The following CAMKMT variants were observed in gnomAD, a reference collection of about 807,000 sequenced individuals.
The protein encoded by CAMKMT is calmodulin-lysine N-methyltransferase.
A neutral mutation model predicts 48.0 loss-of-function variants in CAMKMT; 53 were observed. The observed-to-expected ratio is 1.10, with a 90% confidence interval of 0.89 to 1.39. CAMKMT has a LOEUF of 1.39. Ranked by LOEUF, CAMKMT falls within the 40% of genes most tolerant of loss-of-function variation. The probability of loss-of-function intolerance (pLI) is 0.00; values close to 1 mark genes in which losing one functional copy is unlikely to be tolerated. For synonymous variants in CAMKMT, 165 were observed against 152.3 expected (o/e 1.08, Z -0.61); for missense variants, 428 against 402.7 (o/e 1.06, Z -0.54).
At chr2:44,746,985 A>G (rs934467485) in intron 8 of CAMKMT, among the ~76,000 whole-genome samples, 47 of 152,236 alleles carry the variant, frequency 3.1e-4, no homozygotes, top group African/African-American at 1.1e-3. Context: ...GTAGCTCTGC[A>G]AAAATAGAAA....
At chr2:44,434,243 G>A (rs1400989755) in intron 3 of CAMKMT, among the ~76,000 whole-genome samples, 8 of 150,004 alleles carry the variant, frequency 5.3e-5, no homozygotes, top group African/African-American at 2.0e-4. Context: ...TTTTTTTGGT[G>A]TTGGTTGAGG....
chr2:44,502,908 AT>A (rs1039799550), intron 3 of CAMKMT, among the ~76,000 whole-genome samples: 8 of 152,192 alleles, frequency 5.3e-5, no homozygotes, highest in South Asian at 2.1e-4. Flanking sequence ...TATAGAAAAC[AT>A]TTTTTTAACT....
At chr2:44,551,513 C>T (rs1667715408) in intron 3 of CAMKMT, among the ~76,000 whole-genome samples, 1 of 152,116 alleles carries the variant, frequency 6.6e-6, no homozygotes, top group South Asian at 2.1e-4. Context: ...ATCAAGGTCA[C>T]CTATGATCTG....
At chr2:44,387,737 C>T (rs1572715606) in intron 2 of CAMKMT, among the ~76,000 whole-genome samples, 1 of 152,102 alleles carries the variant, frequency 6.6e-6, no homozygotes, top group Non-Finnish European at 1.5e-5. Context: ...ATGGTGAATT[C>T]TCTCAGTATT....
At chr2:44,394,350 T>C (rs1271387677) in intron 3 of CAMKMT, among the ~76,000 whole-genome samples, 1 of 152,044 alleles carries the variant, frequency 6.6e-6, no homozygotes, top group South Asian at 2.1e-4. Context: ...CTGGAGGAAT[T>C]TGTAGACCCT....
At chr2:44,387,290 T>C (rs552556622) in intron 2 of CAMKMT, among the ~76,000 whole-genome samples, 1 of 152,282 alleles carries the variant, frequency 6.6e-6, no homozygotes, top group African/African-American at 2.4e-5. Flanking sequence ...CTCTTTTAAC[T>C]GCTGTTGCTT....
At chr2:44,724,455 TCATTTGAACAATCCGA>T (rs1200426938) in intron 7 of CAMKMT, among the ~76,000 whole-genome samples, 2 of 152,308 alleles carry the variant, frequency 1.3e-5, no homozygotes, top group East Asian at 3.9e-4. Flanking sequence ...GAGTTGAGGT[TCATTTGAACAATCCGA>T]CATTTGAACA....
At chr2:44,458,418 C>T (rs1232664124) in intron 3 of CAMKMT, among the ~76,000 whole-genome samples, 3 of 152,038 alleles carry the variant, frequency 2.0e-5, no homozygotes, top group Admixed American at 2.0e-4. Flanking sequence ...CAAACCAAAC[C>T]TGTGGTATAT....
At chr2:44,463,820 A>T (rs951925004) in intron 3 of CAMKMT, among the ~76,000 whole-genome samples, 2 of 152,206 alleles carry the variant, frequency 1.3e-5, no homozygotes, top group African/African-American at 4.8e-5. Context: ...AGGCTGTCAG[A>T]TTCTCTGGCT....
At chr2:44,725,690 T>C (rs1678741378) in intron 7 of CAMKMT, among the ~76,000 whole-genome samples, 1 of 152,130 alleles carries the variant, frequency 6.6e-6, no homozygotes, top group African/African-American at 2.4e-5. Context: ...AGAAAAGATG[T>C]GTCCAGCCAG....
chr2:44,738,493 A>C (rs961737670), intron 7 of CAMKMT, among the ~76,000 whole-genome samples: 22 of 152,240 alleles, frequency 1.4e-4, no homozygotes, highest in Admixed American at 1.4e-3. Flanking sequence ...CAATTTAACA[A>C]TAGAAACCTC....
At chr2:44,508,549 A>G (rs1670375244) in intron 3 of CAMKMT, among the ~76,000 whole-genome samples, 1 of 147,490 alleles carries the variant, frequency 6.8e-6, no homozygotes, top group Non-Finnish European at 1.5e-5. Context: ...CATTGTAGAC[A>G]TCCACCTAGA....
At chr2:44,381,991 G>GAATGC (rs1680294211) in intron 2 of CAMKMT, among the ~76,000 whole-genome samples, 1 of 147,998 alleles carries the variant, frequency 6.8e-6, no homozygotes, top group African/African-American at 2.5e-5. Flanking sequence ...ACCCAGGCTG[G>GAATGC]AATGCAATGG....
chr2:44,395,843 C>T (rs568953271), intron 3 of CAMKMT, among the ~76,000 whole-genome samples: 6 of 152,162 alleles, frequency 3.9e-5, no homozygotes, highest in South Asian at 4.1e-4. Context: ...ATGTGCCATT[C>T]TGTTTTAATA....
intron 3 of CAMKMT, among the ~76,000 whole-genome samples, chr2:44,694,128 T>C (rs1443226138): frequency 6.6e-6 from 1 of 152,180 alleles, no homozygotes; most frequent in Non-Finnish European, 1.5e-5. Flanking sequence ...CAGGACGAAC[T>C]ATGAGAAGTG....
At chr2:44,578,625 C>T (rs1262705018) in intron 3 of CAMKMT, among the ~76,000 whole-genome samples, 1 of 152,136 alleles carries the variant, frequency 6.6e-6, no homozygotes, top group African/African-American at 2.4e-5. Flanking sequence ...AGAACTGAAA[C>T]ACTTTCCTAG....
intron 3 of CAMKMT, among the ~76,000 whole-genome samples, chr2:44,639,176 CAA>C (rs2103995103): frequency 6.6e-6 from 1 of 152,290 alleles, no homozygotes; most frequent in East Asian, 1.9e-4. Context: ...GGAATATTAA[CAA>C]AGTTAATTCA....
At chr2:44,759,420 A>C (rs1046243385) in intron 9 of CAMKMT, among the ~76,000 whole-genome samples, 16 of 152,138 alleles carry the variant, frequency 1.1e-4, no homozygotes, top group Admixed American at 7.2e-4. Context: ...ATGCCCAGCC[A>C]AGTTCTTTTT....
chr2:44,599,762 C>G lies in CAMKMT; in HGVS notation c.377-104521C>G, dbSNP rs530212116. Among the ~76,000 whole-genome samples the G allele has an allele frequency of 2.5e-4, 38 of 151,368 alleles. No individual in the cohort carries two copies. The South Asian group carries it at 5.8e-3, about 23-fold the overall frequency. ...TAACATGTTTAGTCTAATAACCAAG[C>G]CTGGATTGGGCTATTTCTGAGAGGA... is the stretch of plus-strand genomic sequence containing the variant. On this transcript the variant is annotated intron_variant, in intron 3 of 10. Coordinates refer to ENST00000378494, the MANE Select transcript of CAMKMT (RefSeq NM_024766.5).
Sources: gnomAD v4.1 joint callset for allele counts (sites outside exome capture counted in the v4.1 genomes callset) on GRCh38, gnomAD v4.1.1 for gene constraint, MANE v1.5 for transcripts, NCBI Gene and HGNC (gene_info 2026-07-23, HGNC 2026-07-21) for gene names.